The following SEC61A2 variants were observed in gnomAD, a reference collection of about 807,000 sequenced individuals.
SEC61A2 encodes the protein SEC61 translocon subunit alpha 2, also known as protein transport protein Sec61 subunit alpha isoform 2.
In SEC61A2, 28 loss-of-function variants were observed where a neutral mutation model predicts 59.9. The ratio of observed to expected loss-of-function variants is 0.47; its 90% confidence interval spans 0.35 to 0.64. SEC61A2 has a LOEUF of 0.64. Ranked by LOEUF, SEC61A2 falls within the 30% of genes least tolerant of loss-of-function variation. SEC61A2 has a pLI of 0.01. For missense variants in SEC61A2, 340 were observed against 585.9 expected (o/e 0.58, Z 4.33); for synonymous variants, 202 against 214.4 (o/e 0.94, Z 0.50).
chr10:12,135,016 AC>A (rs1833853879), intron 2 of SEC61A2, among the ~76,000 whole-genome samples: 1 of 152,116 alleles, frequency 6.6e-6, no homozygotes, highest in Non-Finnish European at 1.5e-5. Context: ...AACTTTAGTT[AC>A]GTTTTTGTGT....
chr10:12,147,097 C>T (rs1193729368), intron 4 of SEC61A2, among the ~76,000 whole-genome samples: 1 of 152,068 alleles, frequency 6.6e-6, no homozygotes, highest in East Asian at 1.9e-4. Flanking sequence ...CACTTTGTTG[C>T]CTAGGCTGCT....
chr10:12,155,962 G>A lies in SEC61A2; in HGVS notation c.616+31G>A, dbSNP rs769215418. 6.2e-7 allele frequency: 1 copy of A among 1,612,892 alleles called. No individual in the cohort carries two copies. ...TCGCACAGCGACTGCAACTGCACGCGTTTTGCTGGATGTGTGCTGGGAACA... is the reference window on the plus strand; with the variant it reads ...TCGCACAGCGACTGCAACTGCACGCATTTTGCTGGATGTGTGCTGGGAACA... On this transcript the variant is annotated intron_variant, in intron 7 of 11. Transcript: ENST00000298428. The surrounding 1 kb of genome is among the most constrained non-coding windows in gnomAD (Gnocchi z 4.3).
downstream of SEC61A2, chr10:12,166,874 A>G (rs2131691370): frequency 2.5e-6 from 1 of 399,136 alleles, no homozygotes; most frequent in South Asian, 1.9e-5. Context: ...CTTGCTGTGA[A>G]CTACTCTGTA....
At position 12,145,031 on chromosome 10, in the gene SEC61A2, A is replaced by G. The variant is rs1336526169; in HGVS notation, c.220+1836A>G. ...GCCACTGCACTCTAGCCGGGGCGAC[A>G]CAACCAGACCCTGTCTCAAAAAAAA... On this transcript the variant is annotated intron_variant, in intron 4 of 11. Coordinates refer to ENST00000298428, the MANE Select transcript of SEC61A2 (RefSeq NM_018144.4). This position sits in a 1 kb window ranked among gnomAD's most constrained non-coding sequence, Gnocchi z 4.4. Among the ~76,000 whole-genome samples, 2 of 151,996 alleles carry G rather than the reference A, an allele frequency of 1.3e-5. No homozygotes were observed. Among genetic ancestry groups the G allele is most frequent in the Admixed American group, 6.6e-5 (1 of 15,254 alleles).
intron 8 of SEC61A2, 65 bp from the exon 9 acceptor site, chr10:12,157,843 C>A: frequency 6.8e-7 from 1 of 1,468,488 alleles, no homozygotes; most frequent in Non-Finnish European, 9.5e-7. Context: ...TGTTTTCCCT[C>A]TCTGGTCTCT....
chr10:12,163,672 T>C (rs1367132250), intron 11 of SEC61A2, among the ~76,000 whole-genome samples: 3 of 152,084 alleles, frequency 2.0e-5, no homozygotes, highest in Non-Finnish European at 4.4e-5. Flanking sequence ...CCCAGCATCA[T>C]TTGTTGAAAA....
chr10:12,150,130 T>C (rs1297094808), intron 6 of SEC61A2, among the ~76,000 whole-genome samples, 169 bp downstream of exon 6: 2 of 152,252 alleles, frequency 1.3e-5, no homozygotes, highest in Non-Finnish European at 2.9e-5. Flanking sequence ...TAAAACCTTC[T>C]GTCACCGTGA....
Position 12,155,344 on chromosome 10 carries a change from G to T in SEC61A2, c.463-434G>T, listed in dbSNP as rs192284443. On this transcript the variant is annotated intron_variant, in intron 6 of 11. Transcript: ENST00000298428. The surrounding 1 kb of genome is among the most constrained non-coding windows in gnomAD (Gnocchi z 4.3). ...CAGCCCTTAGACTTATCCTTTGATG[G>T]CAGTGTACATTTCCATCTTGCTATT... 1,625 of 1,583,624 alleles carry T rather than the reference G, an allele frequency of 1.0e-3. 47 individuals are homozygous for T. The Admixed American group carries it at 0.027, about 27-fold the overall frequency.
At chr10:12,130,144 C>A (rs1463429032) in intron 1 of SEC61A2, among the ~76,000 whole-genome samples, 1 of 152,136 alleles carries the variant, frequency 6.6e-6, no homozygotes, top group African/African-American at 2.4e-5. Context: ...TTTATTCCCT[C>A]GTCATCTTTC....
chr10:12,130,047 G>T (rs1833695059), intron 1 of SEC61A2, among the ~76,000 whole-genome samples: 1 of 152,200 alleles, frequency 6.6e-6, no homozygotes, highest in Admixed American at 6.5e-5. Flanking sequence ...GCGCTGGGAG[G>T]CCATTGGTTT....
chr10:12,155,238 G>T lies in SEC61A2; in HGVS notation c.463-540G>T, dbSNP rs1481130985. ...AGTACGTATTTGAGTACATATTTGT[G>T]TTCTAGTTTTTTATTCTGTACACAT... On this transcript the variant is annotated intron_variant, in intron 6 of 11. Transcript: ENST00000298428. This position sits in a 1 kb window ranked among gnomAD's most constrained non-coding sequence, Gnocchi z 4.3. The T allele has an allele frequency of 9.4e-7, 1 of 1,066,772 alleles. No homozygotes were observed. The highest frequency in any genetic ancestry group is 1.3e-6 in the Non-Finnish European group (1 of 799,428). 66.1% of individuals were successfully genotyped at this position (1,066,772 alleles called of 1,614,324 possible). A position where few individuals can be genotyped will look rare whatever the true frequency, so the allele number is the denominator to read the frequency against.
rs1834519902 is a variant in SEC61A2, at chr10:12,161,224, C to T, written c.1167+103C>T. 1.1e-6 allele frequency: 1 copy of T among 886,006 alleles called. No individual in the cohort carries two copies. The highest frequency in any genetic ancestry group is 1.7e-6 in the Non-Finnish European group (1 of 589,444). 54.9% of individuals were successfully genotyped at this position (886,006 alleles called of 1,614,324 possible). On this transcript the variant is annotated intron_variant, in intron 10 of 11. Transcript: ENST00000298428. This position sits in a 1 kb window ranked among gnomAD's most constrained non-coding sequence, Gnocchi z 5.4. ...AGGCTGAGGCCGCTGGATCGCTTCA[C>T]CTCAGGAGTTTTGAGACCAGCCTGG...
chr10:12,148,665 G>A (rs367740866), intron 4 of SEC61A2, among the ~76,000 whole-genome samples: 171 of 151,284 alleles, frequency 1.1e-3, no homozygotes, highest in African/African-American at 3.7e-3. Context: ...TCAGCCTCCC[G>A]AGTAGCTGGG....
Position 12,158,087 on chromosome 10 carries a change from T to C in SEC61A2, c.957T>C (p.Asn319=). 6.2e-7 allele frequency: 1 copy of C among 1,613,322 alleles called. No individual in the cohort carries two copies. Among genetic ancestry groups the C allele is most frequent in the South Asian group, 1.1e-5 (1 of 91,080 alleles). ...SVRFSGNFLV[N]LLGQWADVSG... is the part of the protein sequence containing the mutation. ...GATTTAGTGGCAACTTTTTAGTAAATTTACTAGGACAGTGGGCCGTGAGTA... is the reference window on the plus strand; with the variant it reads ...GATTTAGTGGCAACTTTTTAGTAAACTTACTAGGACAGTGGGCCGTGAGTA... The change falls in exon 9 of 12, where the codon AAT becomes AAC. Residue 319 remains asparagine, a synonymous_variant. Transcript: ENST00000298428. The surrounding 1 kb of genome is among the most constrained non-coding windows in gnomAD (Gnocchi z 5.7).
intron 9 of SEC61A2, among the ~76,000 whole-genome samples, chr10:12,159,682 C>T (rs1303356717): frequency 1.3e-5 from 2 of 151,964 alleles, no homozygotes; most frequent in South Asian, 2.1e-4. Context: ...AGAGTGAGAC[C>T]GTGTCTCAAA....
chr10:12,143,266 A>G lies in SEC61A2; in HGVS notation c.220+71A>G, dbSNP rs1834062828. On this transcript the variant is annotated intron_variant, in intron 4 of 11. Transcript: ENST00000298428. The surrounding 1 kb of genome is among the most constrained non-coding windows in gnomAD (Gnocchi z 4.8). ...GATGGAAACATGTGGATTAGCAATG[A>G]GTTTTCAATGTCTACAGGGAGGGGG... 9.0e-7 allele frequency: 1 copy of G among 1,105,536 alleles called. No individual in the cohort carries two copies. Among genetic ancestry groups the G allele is most frequent in the African/African-American group, 1.5e-5 (1 of 65,112 alleles). The allele number at this position is 1,105,536 out of a possible 1,614,324, so 68.5% of individuals were successfully genotyped here. A position where few individuals can be genotyped will look rare whatever the true frequency, so the allele number is the denominator to read the frequency against.
intron 1 of SEC61A2, among the ~76,000 whole-genome samples, chr10:12,132,991 GA>G (rs1346939032): frequency 1.3e-5 from 2 of 152,162 alleles, no homozygotes; most frequent in African/African-American, 4.8e-5. Context: ...GAAAGTTCTG[GA>G]AAAAGGTTGC....
Position 12,153,591 on chromosome 10 carries a change from C to T in SEC61A2, c.463-2187C>T, listed in dbSNP as rs1834330039. 2 of 773,156 alleles carry T rather than the reference C, an allele frequency of 2.6e-6. No homozygotes were observed. The highest frequency in any genetic ancestry group is 3.8e-6 in the Non-Finnish European group (2 of 526,148). 47.9% of individuals were successfully genotyped at this position (773,156 alleles called of 1,614,324 possible). A position where few individuals can be genotyped will look rare whatever the true frequency, so the allele number is the denominator to read the frequency against. Reference sequence around the variant, plus strand: ...AAATACTTACAGTCCAAGAATGAAACAAGTGAAGTGGATGTACACTGATTC... The same window carrying T: ...AAATACTTACAGTCCAAGAATGAAATAAGTGAAGTGGATGTACACTGATTC... On this transcript the variant is annotated intron_variant, in intron 6 of 11. Transcript: ENST00000298428. The surrounding 1 kb of genome is among the most constrained non-coding windows in gnomAD (Gnocchi z 5.2).
At position 12,143,229 on chromosome 10, in the gene SEC61A2, T is replaced by C; in HGVS notation, c.220+34T>C. 1 of 1,416,560 alleles carries C rather than the reference T, an allele frequency of 7.1e-7. No homozygotes were observed. Among genetic ancestry groups the C allele is most frequent in the Non-Finnish European group, 1.0e-6 (1 of 999,902 alleles). The allele number at this position is 1,416,560 out of a possible 1,614,324, so 87.7% of individuals were successfully genotyped here. ...GTCTTTTCTGTCTCCACACTCCTAC[T>C]CACAGCAAACAGATGGAAACATGTG... On this transcript the variant is annotated intron_variant, in intron 4 of 11. Transcript: ENST00000298428. This position sits in a 1 kb window ranked among gnomAD's most constrained non-coding sequence, Gnocchi z 4.8.
Sources: allele counts gnomAD v4.1 joint callset (sites outside exome capture counted in the v4.1 genomes callset), GRCh38; gene constraint gnomAD v4.1.1; non-coding constraint Gnocchi (gnomAD v3.1); transcripts MANE v1.5; gene names NCBI Gene and HGNC (gene_info 2026-07-23, HGNC 2026-07-21).